Variants in ENTHD1 observed in about 807,000 individuals in gnomAD.
The protein encoded by ENTHD1 is ENTH domain containing 1.
ENTHD1 carries 23 observed loss-of-function variants against 39.1 expected under a neutral mutation model. That is an observed-to-expected ratio of 0.59 (90% CI 0.42 to 0.83). ENTHD1 has a LOEUF of 0.83. Among genes scored for constraint, ENTHD1 ranks in the 40% least tolerant of loss-of-function variants. The pLI is 0.00. For synonymous variants in ENTHD1, 230 were observed against 258.2 expected, an observed-to-expected ratio of 0.89 and a Z score of 1.05; for missense variants, 624 against 705.4, an observed-to-expected ratio of 0.88 and a Z score of 1.31.
intron 4 of ENTHD1, among the ~76,000 whole-genome samples, chr22:39,831,214 G>A (rs548260660): frequency 6.6e-5 from 10 of 152,242 alleles, no homozygotes; most frequent in South Asian, 4.2e-4. Context: ...TATTAGACTC[G>A]GATAGGTGAG....
intron 5 of ENTHD1, among the ~76,000 whole-genome samples, chr22:39,778,366 T>C (rs1242454255): frequency 1.3e-5 from 2 of 152,186 alleles, no homozygotes; most frequent in East Asian, 1.9e-4. Context: ...AGAACTGGTA[T>C]ACTATGTAAA....
chr22:39,853,269 A>G (rs1016718411), intron 3 of ENTHD1, among the ~76,000 whole-genome samples: 3 of 152,294 alleles, frequency 2.0e-5, no homozygotes, highest in African/African-American at 4.8e-5. Flanking sequence ...CACCAAACTT[A>G]AAAATAAAGA....
chr22:39,887,935 A>C (rs2066394895), intron 1 of ENTHD1, 32 bp from the exon 2 acceptor site: 1 of 522,496 alleles, frequency 1.9e-6, no homozygotes, highest in Non-Finnish European at 3.3e-6. Context: ...ATTTACATTA[A>C]ACTTTTTTTT....
chr22:39,893,438 G>C (rs2066445045), intron 1 of ENTHD1: 1 of 152,236 alleles, frequency 6.6e-6, no homozygotes, highest in African/African-American at 2.4e-5. Context: ...CAGAGAATCA[G>C]ACCAGCAATT....
intron 4 of ENTHD1, among the ~76,000 whole-genome samples, chr22:39,826,897 G>A (rs1007916974): frequency 2.6e-5 from 4 of 151,612 alleles, no homozygotes; most frequent in Non-Finnish European, 5.9e-5. Context: ...TTTTGAGGGA[G>A]AGTCGTGCTC....
At position 39,743,767 on chromosome 22, in the gene ENTHD1, A is replaced by G; in HGVS notation, c.1736T>C (p.Ile579Thr). Residue 579 changes from isoleucine (I) to threonine (T), a missense_variant, in exon 7 of 7, where the codon ATC becomes ACC. Physicochemically the swap from Ile to Thr is moderately conservative, Grantham distance 89 (BLOSUM62 -1). Transcript: ENST00000325157. ...VIQELNVINN[I>T]LMSMSLNSSQ... is the part of the protein sequence containing the mutation. ...ACTATTCAGACTCATGCTCATCAAGATGTTATTGATGACATTAAGTTCTTG... is the reference window on the plus strand; with the variant it reads ...ACTATTCAGACTCATGCTCATCAAGGTGTTATTGATGACATTAAGTTCTTG... 1 of 1,614,090 alleles carries G rather than the reference A, an allele frequency of 6.2e-7. No individual in the cohort carries two copies. The highest frequency in any genetic ancestry group is 1.1e-5 in the South Asian group (1 of 91,076).
chr22:39,827,918 T>TTA lies in ENTHD1; in HGVS notation c.712-6807_712-6806dup, dbSNP rs1269201575. 5.3e-5 allele frequency among the ~76,000 whole-genome samples: 8 copies of TTA among 151,846 alleles called. No homozygotes were observed. In the South Asian group the frequency reaches 6.2e-4, roughly 12 times the overall value. ...GATTACCAATAGGAAATGGCTAAGA[T>TTA]TATATATATATATGTATGTGTATAC... On this transcript the variant is annotated intron_variant, in intron 4 of 6. Transcript: ENST00000325157.
intron 3 of ENTHD1, among the ~76,000 whole-genome samples, chr22:39,840,622 TATTC>T (rs2065936346): frequency 6.6e-6 from 1 of 152,208 alleles, no homozygotes; most frequent in African/African-American, 2.4e-5. Flanking sequence ...TTATAGAAAA[TATTC>T]AGTGGGCTAA....
At chr22:39,806,185 A>G (rs1296298450) in intron 5 of ENTHD1, among the ~76,000 whole-genome samples, 1 of 152,272 alleles carries the variant, frequency 6.6e-6, no homozygotes, top group Non-Finnish European at 1.5e-5. Flanking sequence ...GAAAACCTAA[A>G]TAAATAATAT....
intron 5 of ENTHD1, among the ~76,000 whole-genome samples, chr22:39,774,843 G>A (rs776352626): frequency 2.0e-5 from 3 of 151,814 alleles, no homozygotes; most frequent in South Asian, 2.1e-4. Context: ...AATGTTCCTC[G>A]TCTCTTTATA....
At chr22:39,885,789 CAGAT>C (rs934719227) in intron 2 of ENTHD1, among the ~76,000 whole-genome samples, 18 of 152,096 alleles carry the variant, frequency 1.2e-4, no homozygotes, top group African/African-American at 4.1e-4. Context: ...AATTTAGAGA[CAGAT>C]AGGGCCTTGG....
At chr22:39,769,681 G>A (rs981400116) in intron 5 of ENTHD1, among the ~76,000 whole-genome samples, 1 of 152,108 alleles carries the variant, frequency 6.6e-6, no homozygotes, top group African/African-American at 2.4e-5. Context: ...AGAGAGTATG[G>A]GGTGGAGCAT....
At chr22:39,849,178 AC>A (rs2066015461) in intron 3 of ENTHD1, among the ~76,000 whole-genome samples, 1 of 152,280 alleles carries the variant, frequency 6.6e-6, no homozygotes, top group African/African-American at 2.4e-5. Context: ...ATACTCTTGA[AC>A]TTTTGATTCT....
intron 5 of ENTHD1, among the ~76,000 whole-genome samples, chr22:39,799,689 C>T (rs2065582828): frequency 6.6e-6 from 1 of 152,174 alleles, no homozygotes; most frequent in Admixed American, 6.5e-5. Context: ...TTAGTCTGAG[C>T]CACTCCACGC....
intron 1 of ENTHD1, among the ~76,000 whole-genome samples, chr22:39,892,627 A>G (rs2066435215): frequency 6.6e-6 from 1 of 152,254 alleles, no homozygotes; most frequent in Non-Finnish European, 1.5e-5. Context: ...AGGATTGAGA[A>G]TAAGGAACAG....
intron 5 of ENTHD1, among the ~76,000 whole-genome samples, chr22:39,775,882 A>AAGCCCAGTAT (rs2065361581): frequency 6.6e-6 from 1 of 152,124 alleles, no homozygotes; most frequent in Admixed American, 6.5e-5. Flanking sequence ...GAGAACTGCA[A>AAGCCCAGTAT]TGAATACTGT....
chr22:39,814,733 T>G (rs1403968416), intron 5 of ENTHD1, among the ~76,000 whole-genome samples: 1 of 152,194 alleles, frequency 6.6e-6, no homozygotes, highest in Non-Finnish European at 1.5e-5. Context: ...GACTTCTACC[T>G]CAATCTTACA....
chr22:39,826,303 TAG>T (rs1306135339), intron 4 of ENTHD1, among the ~76,000 whole-genome samples: 3 of 152,340 alleles, frequency 2.0e-5, no homozygotes, highest in African/African-American at 7.2e-5. Context: ...CCAGTCTTGT[TAG>T]AGGTTTATCA....
intron 2 of ENTHD1, among the ~76,000 whole-genome samples, chr22:39,884,928 T>C (rs930650514): frequency 1.3e-5 from 2 of 152,198 alleles, no homozygotes; most frequent in Non-Finnish European, 2.9e-5. Context: ...TTCATGTTCT[T>C]GTATTGGACA....
Sources: allele counts gnomAD v4.1 joint callset (sites outside exome capture counted in the v4.1 genomes callset), GRCh38; gene constraint gnomAD v4.1.1; transcripts MANE v1.5; gene names NCBI Gene and HGNC (gene_info 2026-07-23, HGNC 2026-07-21).